Variants in NAALADL1 observed in about 807,000 individuals in gnomAD.
NAALADL1 encodes aminopeptidase NAALADL1.
Under a neutral mutation model 82.8 loss-of-function variants are expected in NAALADL1, and 77 were observed. The observed-to-expected ratio is 0.93, with a 90% CI of 0.77 to 1.12. NAALADL1 has a LOEUF of 1.12. NAALADL1 is among the 50% of genes most tolerant of loss of function. The probability of loss-of-function intolerance (pLI) is 0.00; values close to 1 mark genes in which losing one functional copy is unlikely to be tolerated. For synonymous variants in NAALADL1, 358 were observed against 399.2 expected, an observed-to-expected ratio of 0.90 and a Z score of 1.23; for missense variants, 956 against 964.0, an observed-to-expected ratio of 0.99 and a Z score of 0.11.
Position 65,058,242 on chromosome 11 carries a change from G to A in NAALADL1, c.194C>T (p.Ser65Phe). Residue 65 changes from serine (S) to phenylalanine (F), a missense_variant, in exon 2 of 18, where the codon TCC becomes TTC. Physicochemically the swap from Ser to Phe is radical, Grantham distance 155 (BLOSUM62 -2). Coordinates refer to ENST00000358658, the MANE Select transcript of NAALADL1 (RefSeq NM_005468.3). ...HRIRENLREL[S>F]REPHLASSPR... ...GCTGGAGGCCAGGTGTGGCTCCCTG[G>A]AGAGTTCTCTGCAGGGTGGGCAGAG... The A allele has an allele frequency of 6.2e-7, 1 of 1,613,580 alleles. No homozygotes were observed. The highest frequency in any genetic ancestry group is 8.5e-7 in the Non-Finnish European group (1 of 1,179,754).
intron 8 of NAALADL1, among the ~76,000 whole-genome samples, chr11:65,049,716 A>G (rs1304530418): frequency 6.6e-6 from 1 of 152,042 alleles, no homozygotes; most frequent in Non-Finnish European, 1.5e-5. Flanking sequence ...TACAAAAAGT[A>G]AAAAAGTATC....
chr11:65,054,360 G>A lies in NAALADL1; in HGVS notation c.888-6C>T, dbSNP rs1254849113. On this transcript the variant is annotated splice_polypyrimidine_tract_variant and splice_region_variant and intron_variant, in intron 5 of 17. Coordinates refer to ENST00000358658, the MANE Select transcript of NAALADL1 (RefSeq NM_005468.3). This position sits in a 1 kb window ranked among gnomAD's most constrained non-coding sequence, Gnocchi z 4.3. ...CCAAAGTTCCGTTGAGGTTACTGGG[G>A]AGGAGGAAGAGGCCCTTCAGGGTAA... 6.2e-7 allele frequency: 1 copy of A among 1,613,822 alleles called. No individual in the cohort carries two copies. The highest frequency in any genetic ancestry group is 1.1e-5 in the South Asian group (1 of 91,046).
At position 65,048,376 on chromosome 11, in the gene NAALADL1, C is replaced by A. The variant is rs370687468; in HGVS notation, c.1208G>T (p.Arg403Leu). The A allele has an allele frequency of 6.2e-7, 1 of 1,614,128 alleles. No individual in the cohort carries two copies. The highest frequency in any genetic ancestry group is 1.1e-5 in the South Asian group (1 of 91,088). ...LGTLLKKGTW[R>L]PRRSIVFASW... The stretch of plus-strand genomic sequence containing the variant: ...CGCAAACACGATTGATCTGCGAGGA[C>A]GCCAGGTGCCTGGGAATGGGGGATA... Residue 403 changes from arginine (R) to leucine (L), a missense_variant, in exon 9 of 18, where the codon CGT becomes CTT. By Grantham distance (102) the Arg-to-Leu change is moderately radical. Transcript: ENST00000358658.
intron 4 of NAALADL1, 27 bp downstream of exon 4, chr11:65,057,344 C>T: frequency 6.3e-7 from 1 of 1,590,786 alleles, no homozygotes; most frequent in South Asian, 1.1e-5. Context: ...TCACCGAGGC[C>T]TCCTGCACTG....
In NAALADL1 at chr11:65,047,921, C is replaced by T. The variant is rs1380082163; in HGVS notation, c.1416+60G>A. The T allele has an allele frequency of 1.2e-5, 18 of 1,487,832 alleles. No individual in the cohort carries two copies. In the East Asian group the frequency reaches 1.5e-4, roughly 12 times the overall value. The allele number at this position is 1,487,832 out of a possible 1,614,324, so 92.2% of individuals were successfully genotyped here. On this transcript the variant is annotated intron_variant, in intron 11 of 17. Transcript: ENST00000358658. The stretch of plus-strand genomic sequence containing the variant: ...CAGCCCCGCCCACCCGTAGCGGCCC[C>T]GTCCGCCGCACGCGGCCCGCCCCAG...
At chr11:65,047,327 G>T in intron 13 of NAALADL1, 148 bp downstream of exon 13, 1 of 602,378 alleles carries the variant, frequency 1.7e-6, no homozygotes, top group Non-Finnish European at 2.9e-6. Context: ...GTGTATTTCT[G>T]TGTGTGTGTG....
At position 65,054,683 on chromosome 11, in the gene NAALADL1, G is replaced by T. The variant is rs764364775; in HGVS notation, c.659C>A (p.Ala220Asp). The change falls in exon 5 of 18, where the codon GCC becomes GAC. Residue 220 changes from alanine (A) to aspartate (D), a missense_variant. By Grantham distance (126) the Ala-to-Asp change is moderately radical. Coordinates refer to ENST00000358658, the MANE Select transcript of NAALADL1 (RefSeq NM_005468.3). This position sits in a 1 kb window ranked among gnomAD's most constrained non-coding sequence, Gnocchi z 4.3. Reference protein sequence around the residue: ...VAGVLVYTDPADINDGLSSPD... With the variant: ...VAGVLVYTDPDDINDGLSSPD... ...TGAGCTCAGCCCATCGTTGATGTCG[G>T]CAGGGTCTGTGTACACCAGCACCCC... The T allele has an allele frequency of 1.9e-6, 3 of 1,614,120 alleles. No individual in the cohort carries two copies. The highest frequency in any genetic ancestry group is 2.5e-6 in the Non-Finnish European group (3 of 1,180,016).
chr11:65,045,981 G>T (rs1421317536), intron 16 of NAALADL1, 46 bp downstream of exon 16: 3 of 1,611,160 alleles, frequency 1.9e-6, no homozygotes, highest in Admixed American at 1.7e-5. Context: ...CTGGTATCCT[G>T]CCCTGGGTGC....
chr11:65,055,056 A>G (rs1026273958), intron 4 of NAALADL1, among the ~76,000 whole-genome samples: 2 of 152,256 alleles, frequency 1.3e-5, no homozygotes, highest in African/African-American at 4.8e-5. Context: ...AAAGGAGGAA[A>G]TAGCCCAAGT....
Position 65,045,455 on chromosome 11 carries a change from T to C in NAALADL1, c.2039A>G (p.His680Arg), listed in dbSNP as rs937131523. 6.2e-7 allele frequency: 1 copy of C among 1,600,578 alleles called. No homozygotes were observed. Among genetic ancestry groups the C allele is most frequent in the South Asian group, 1.1e-5 (1 of 89,924 alleles). Residue 680 changes from histidine (H) to arginine (R), a missense_variant and splice_region_variant, in exon 18 of 18, where the codon CAT becomes CGT. Transcript: ENST00000358658. ...GCCCGTGCGAGGTGCCCAGAGCACA[T>C]GGCTGACAAGAGAAATGGGACAGGA... ...RAFPEERYYS[H>R]VLWAPRTGSV...
At chr11:65,046,160 C>T (rs749502647) in intron 15 of NAALADL1, 29 bp downstream of exon 15, 4 of 1,614,064 alleles carry the variant, frequency 2.5e-6, no homozygotes, top group Non-Finnish European at 3.4e-6. Context: ...GCAGGGCTCC[C>T]CATACCTCAG....
chr11:65,045,394 G>A lies in NAALADL1; in HGVS notation c.2100C>T (p.Cys700=). 1 of 1,613,192 alleles carries A rather than the reference G, an allele frequency of 6.2e-7. No homozygotes were observed. Among genetic ancestry groups the A allele is most frequent in the Non-Finnish European group, 8.5e-7 (1 of 1,179,790 alleles). Residue 700 remains cysteine, a synonymous_variant, in exon 18 of 18, where the codon TGC becomes TGT. Coordinates refer to ENST00000358658, the MANE Select transcript of NAALADL1 (RefSeq NM_005468.3). ...VVTFPGLSNA[C]SRARDTASGS... is the part of the protein sequence containing the mutation. ...CAGAAGCTGTGTCCCTGGCCCTGGA[G>A]CAGGCATTGGATAGGCCCGGGAATG... is the stretch of plus-strand genomic sequence containing the variant.
intron 3 of NAALADL1, 134 bp downstream of exon 3, chr11:65,057,741 G>A: frequency 7.3e-7 from 1 of 1,378,688 alleles, no homozygotes; most frequent in Non-Finnish European, 1.0e-6. Context: ...AGCAGCGATG[G>A]AGTGTCCCGG....
chr11:65,057,127 C>T (rs966260555), intron 4 of NAALADL1, among the ~76,000 whole-genome samples: 1 of 152,216 alleles, frequency 6.6e-6, no homozygotes, highest in African/African-American at 2.4e-5. Flanking sequence ...TCTGGAATAC[C>T]AAACCTGAAA....
At chr11:65,052,319 C>T (rs1255156863) in intron 8 of NAALADL1, among the ~76,000 whole-genome samples, 8 of 151,872 alleles carry the variant, frequency 5.3e-5, no homozygotes, top group South Asian at 2.1e-4. Context: ...CCCTGCTCCC[C>T]GCTTTTTTTT....
In NAALADL1 at chr11:65,058,047, C is replaced by T. The variant is rs149494354; in HGVS notation, c.358+31G>A. 341 of 1,612,562 alleles carry T rather than the reference C, an allele frequency of 2.1e-4. No homozygotes were observed. In the Middle Eastern group the frequency reaches 2.3e-3, roughly 11 times the overall value. On this transcript the variant is annotated intron_variant, in intron 2 of 17. Transcript: ENST00000358658. The stretch of plus-strand genomic sequence containing the variant: ...GCTGGGCCCAGCAGCTCCCCACCCC[C>T]GGGCATTCCCAAGACTGGGCAGGAC...
intron 8 of NAALADL1, among the ~76,000 whole-genome samples, chr11:65,052,051 A>G (rs767350565): frequency 2.0e-5 from 3 of 152,196 alleles, no homozygotes; most frequent in Non-Finnish European, 4.4e-5. Flanking sequence ...CAAGAAATTA[A>G]TATGGGAAGA....
chr11:65,056,740 C>T lies in NAALADL1; in HGVS notation c.603+631G>A, dbSNP rs1292707232. ...TTTTTTTTTTTTTTTTTTTTTAAAT[C>T]AGAGTCTCGATGTCTCCCAGGCTGG... On this transcript the variant is annotated intron_variant, in intron 4 of 17. Coordinates refer to ENST00000358658, the MANE Select transcript of NAALADL1 (RefSeq NM_005468.3). Among the ~76,000 whole-genome samples the T allele has an allele frequency of 2.4e-4, 30 of 123,652 alleles. No homozygotes were observed. In the Admixed American group the frequency reaches 2.8e-3, roughly 12 times the overall value. The allele number at this position is 123,652 out of a possible 152,430, so 81.1% of individuals were successfully genotyped here. A position where few individuals can be genotyped will look rare whatever the true frequency, so the allele number is the denominator to read the frequency against.
rs778862090 is a variant in NAALADL1, at chr11:65,048,283, C to T, written c.1284+17G>A. 6.2e-7 allele frequency: 1 copy of T among 1,614,100 alleles called. No individual in the cohort carries two copies. The highest frequency in any genetic ancestry group is 1.1e-5 in the South Asian group (1 of 91,078). ...CTGGGAACCCCTTTCGATCCCCTACCCTGTAGGGCCACTCACTTCTGTGAA... is the reference window on the plus strand; with the variant it reads ...CTGGGAACCCCTTTCGATCCCCTACTCTGTAGGGCCACTCACTTCTGTGAA... On this transcript the variant is annotated intron_variant, in intron 9 of 17. Transcript: ENST00000358658.
Sources: allele counts gnomAD v4.1 joint callset (sites outside exome capture counted in the v4.1 genomes callset), GRCh38; gene constraint gnomAD v4.1.1; non-coding constraint Gnocchi (gnomAD v3.1); transcripts MANE v1.5; gene names NCBI Gene and HGNC (gene_info 2026-07-23, HGNC 2026-07-21).